The following TBC1D22A variants were observed in gnomAD, a reference collection of about 807,000 sequenced individuals.
TBC1D22A encodes putative GTPase activator.
In TBC1D22A, 38 loss-of-function variants were observed where a neutral mutation model predicts 60.2. The ratio of observed to expected loss-of-function variants is 0.63; its 90% CI spans 0.49 to 0.83. The LOEUF is 0.83. TBC1D22A is among the 40% of genes least tolerant of loss of function. The pLI is 0.00. For synonymous variants in TBC1D22A, 302 were observed against 281.7 expected (o/e 1.07, Z -0.72); for missense variants, 628 against 701.0 (o/e 0.90, Z 1.18).
chr22:47,067,095 A>G (rs932887563), intron 11 of TBC1D22A, among the ~76,000 whole-genome samples: 2 of 152,162 alleles, frequency 1.3e-5, no homozygotes, highest in African/African-American at 2.4e-5. Context: ...GTAAAACCCT[A>G]TCTCTACTAA....
At chr22:47,088,177 C>T (rs960523567) in intron 11 of TBC1D22A, among the ~76,000 whole-genome samples, 1 of 152,084 alleles carries the variant, frequency 6.6e-6, no homozygotes, top group Non-Finnish European at 1.5e-5. Context: ...CTGGCTGTGA[C>T]CACTGAAAAT....
At position 46,904,142 on chromosome 22, in the gene TBC1D22A, T is replaced by TCTATCTGCCTACCTACCTACCTAC. The variant is rs57116517; in HGVS notation, c.901-7929_901-7928insTCTGCCTACCTACCTACCTACCTA. ...ATCTATCTATCTATCTATCTATCTATCTACCTACCTACCTACCTACCTACC... is the reference window on the plus strand; with the variant it reads ...ATCTATCTATCTATCTATCTATCTATCTATCTGCCTACCTACCTACCTACCTACCTACCTACCTACCTACCTACC... On this transcript the variant is annotated intron_variant, in intron 7 of 12. Transcript: ENST00000337137. Among the ~76,000 whole-genome samples the TCTATCTGCCTACCTACCTACCTAC allele has an allele frequency of 9.1e-3, 1,221 of 134,526 alleles. 28 individuals carry two copies. The highest frequency in any genetic ancestry group is 0.034 in the African/African-American group (1,134 of 33,836). 88.3% of individuals were successfully genotyped at this position (134,526 alleles called of 152,430 possible).
At chr22:46,897,667 TTTA>T in intron 7 of TBC1D22A, among the ~76,000 whole-genome samples, 1 of 150,288 alleles carries the variant, frequency 6.7e-6, no homozygotes, top group African/African-American at 2.5e-5. Context: ...TTTTTTTTTT[TTTA>T]GTTCTAGGAA....
chr22:47,071,414 A>T (rs752591451), intron 11 of TBC1D22A, among the ~76,000 whole-genome samples: 12 of 152,156 alleles, frequency 7.9e-5, no homozygotes, highest in Admixed American at 2.6e-4. Flanking sequence ...TTTTTGGTGG[A>T]AGTGCAGGCC....
intron 11 of TBC1D22A, among the ~76,000 whole-genome samples, chr22:47,068,193 C>T (rs1397697363): frequency 6.6e-6 from 1 of 152,220 alleles, no homozygotes; most frequent in African/African-American, 2.4e-5. Context: ...CTGGCCGGAC[C>T]CTTGACTGGG....
chr22:46,914,849 A>T lies in TBC1D22A; in HGVS notation c.1015+2661A>T, dbSNP rs116266741. 2.6e-3 allele frequency: 402 copies of T among 155,866 alleles called. 2 individuals carry two copies. The highest frequency in any genetic ancestry group is 9.4e-3 in the African/African-American group (391 of 41,548). The allele number at this position is 155,866 out of a possible 1,614,324, so 9.7% of individuals were successfully genotyped here. A position where few individuals can be genotyped will look rare whatever the true frequency, so the allele number is the denominator to read the frequency against. On this transcript the variant is annotated intron_variant, in intron 8 of 12. Coordinates refer to ENST00000337137, the MANE Select transcript of TBC1D22A (RefSeq NM_014346.5). ...AGACAGATTTTAGAGGAGTAATTTAAAGTCTTAATTAAAGTAATTAACATT... is the reference window on the plus strand; with the variant it reads ...AGACAGATTTTAGAGGAGTAATTTATAGTCTTAATTAAAGTAATTAACATT...
intron 7 of TBC1D22A, among the ~76,000 whole-genome samples, chr22:46,907,241 C>T (rs747959144): frequency 6.6e-6 from 1 of 152,314 alleles, no homozygotes; most frequent in South Asian, 2.1e-4. Context: ...CCTCTCTTCC[C>T]GTCACCTCTC....
intron 8 of TBC1D22A, among the ~76,000 whole-genome samples, chr22:46,929,844 A>G (rs1185716784): frequency 6.6e-6 from 1 of 152,096 alleles, no homozygotes; most frequent in Non-Finnish European, 1.5e-5. Context: ...GGGAGAAGCA[A>G]GCATGTGCCC....
chr22:46,784,086 C>T (rs1395141235), intron 1 of TBC1D22A, among the ~76,000 whole-genome samples: 2 of 152,150 alleles, frequency 1.3e-5, no homozygotes, highest in Non-Finnish European at 2.9e-5. Flanking sequence ...TGCTTTGTTG[C>T]CCAGGCTGGA....
intron 12 of TBC1D22A, among the ~76,000 whole-genome samples, chr22:47,163,907 C>G (rs1601732325): frequency 6.6e-6 from 1 of 152,252 alleles, no homozygotes; most frequent in African/African-American, 2.4e-5. Context: ...CTGCACATAT[C>G]AGCACCAAGT....
At chr22:46,902,579 G>T (rs1231907875) in intron 7 of TBC1D22A, among the ~76,000 whole-genome samples, 2 of 152,238 alleles carry the variant, frequency 1.3e-5, no homozygotes, top group African/African-American at 4.8e-5. Flanking sequence ...CAGCTCACTT[G>T]CTGGAATGCG....
At chr22:46,974,188 A>AGC (rs2074191949) in intron 8 of TBC1D22A, 102 bp from the exon 9 acceptor site, 2 of 885,796 alleles carry the variant, frequency 2.3e-6, no homozygotes, top group Non-Finnish European at 3.6e-6. Context: ...GGGTGGAGGG[A>AGC]GCTGGATGCA....
intron 8 of TBC1D22A, among the ~76,000 whole-genome samples, chr22:46,957,628 G>A (rs1422375521): frequency 6.6e-6 from 1 of 152,244 alleles, no homozygotes; most frequent in Non-Finnish European, 1.5e-5. Flanking sequence ...CGTATCAAGT[G>A]CCTTGACTAC....
chr22:46,995,725 T>C (rs1055742677), intron 9 of TBC1D22A, among the ~76,000 whole-genome samples: 5 of 152,092 alleles, frequency 3.3e-5, no homozygotes, highest in African/African-American at 1.2e-4. Context: ...CTGACACCCT[T>C]GCTGTGTGCC....
Position 47,058,093 on chromosome 22 carries a change from G to T in TBC1D22A, c.1329+20895G>T, listed in dbSNP as rs542700251. 3.9e-5 allele frequency among the ~76,000 whole-genome samples: 6 copies of T among 152,328 alleles called. No homozygotes were observed. In the East Asian group the frequency reaches 9.6e-4, roughly 24 times the overall value. On this transcript the variant is annotated intron_variant, in intron 11 of 12. Transcript: ENST00000337137. ...GGACTGGCACAGCAAGGACTGCCCA[G>T]CAGATCTGAGCTCCGGTGGCCACTG...
At chr22:47,139,564 C>A (rs563401505) in intron 12 of TBC1D22A, among the ~76,000 whole-genome samples, 5 of 152,248 alleles carry the variant, frequency 3.3e-5, no homozygotes, top group Admixed American at 6.5e-5. Flanking sequence ...TCGGCTCCCC[C>A]TCCTGTGTTC....
At chr22:47,156,724 A>G (rs1046197832) in intron 12 of TBC1D22A, among the ~76,000 whole-genome samples, 4 of 152,152 alleles carry the variant, frequency 2.6e-5, no homozygotes, top group Admixed American at 6.5e-5. Context: ...GGGCTGGGTC[A>G]CACTGTCACC....
At chr22:47,080,482 A>C (rs1162853438) in intron 11 of TBC1D22A, among the ~76,000 whole-genome samples, 1 of 152,232 alleles carries the variant, frequency 6.6e-6, no homozygotes, top group South Asian at 2.1e-4. Context: ...CTTAAGCAGC[A>C]TGCTTTTAAA....
intron 6 of TBC1D22A, among the ~76,000 whole-genome samples, chr22:46,892,443 G>C (rs1281586157): frequency 3.9e-5 from 6 of 152,206 alleles, no homozygotes; most frequent in African/African-American, 1.2e-4. Context: ...AGTGAGGCTG[G>C]GGCAAAGCAG....
Sources: allele counts gnomAD v4.1 joint callset (sites outside exome capture counted in the v4.1 genomes callset), GRCh38; gene constraint gnomAD v4.1.1; transcripts MANE v1.5; gene names NCBI Gene and HGNC (gene_info 2026-07-23, HGNC 2026-07-21).